DNER: variants seen among roughly 807,000 people sequenced by gnomAD.
The protein encoded by DNER is delta/notch like EGF repeat containing.
A neutral mutation model predicts 78.2 loss-of-function variants in DNER; 33 were observed. The observed-to-expected ratio is 0.42, with a 90% CI of 0.32 to 0.56. DNER has a LOEUF of 0.56. Among genes scored for constraint, DNER ranks in the 20% least tolerant of loss-of-function variants. The pLI, the probability that DNER is intolerant of heterozygous loss-of-function variation, is 0.11. For missense variants in DNER, 918 were observed against 975.3 expected (o/e 0.94, Z 0.78); for synonymous variants, 417 against 384.8 (o/e 1.08, Z -0.98).
At chr2:229,371,929 AC>A (rs970368978) in intron 11 of DNER, among the ~76,000 whole-genome samples, 1 of 152,220 alleles carries the variant, frequency 6.6e-6, no homozygotes, top group African/African-American at 2.4e-5. Flanking sequence ...GTTGCCTAGA[AC>A]AATTGTGAGG....
intron 7 of DNER, among the ~76,000 whole-genome samples, chr2:229,453,703 C>G (rs900040280): frequency 4.6e-5 from 7 of 152,076 alleles, no homozygotes; most frequent in African/African-American, 1.7e-4. Context: ...CCCTTTCTGC[C>G]TCCTCCATAA....
chr2:229,686,750 A>C (rs958565848), intron 1 of DNER, among the ~76,000 whole-genome samples: 2 of 152,234 alleles, frequency 1.3e-5, no homozygotes, highest in Non-Finnish European at 2.9e-5. Context: ...CCAACAGTCC[A>C]GACACGAACC....
At chr2:229,660,658 G>A (rs1698993739) in intron 1 of DNER, among the ~76,000 whole-genome samples, 1 of 152,124 alleles carries the variant, frequency 6.6e-6, no homozygotes, top group East Asian at 1.9e-4. Flanking sequence ...ACCCTAATTT[G>A]CAATGCAACT....
chr2:229,586,546 AAAAACACACAAAAC>A, intron 3 of DNER: 17 of 115,100 alleles, frequency 1.5e-4, no homozygotes, highest in Non-Finnish European at 2.1e-4. Context: ...AAAAAAAAAA[AAAAACACACAAAAC>A]CACCCCACAG....
At chr2:229,606,165 A>G (rs2154215025) in intron 1 of DNER, 1 of 152,380 alleles carries the variant, frequency 6.6e-6, no homozygotes, top group East Asian at 1.9e-4. Flanking sequence ...ATGACACTGC[A>G]TTGACCACAC....
chr2:229,545,516 G>A (rs1696611530), intron 5 of DNER, among the ~76,000 whole-genome samples: 1 of 152,244 alleles, frequency 6.6e-6, no homozygotes, highest in Non-Finnish European at 1.5e-5. Context: ...TGAGGTTGCA[G>A]TGAGCCGAGA....
At chr2:229,502,478 T>A (rs576641670) in intron 6 of DNER, among the ~76,000 whole-genome samples, 1 of 152,126 alleles carries the variant, frequency 6.6e-6, no homozygotes, top group Non-Finnish European at 1.5e-5. Flanking sequence ...GGGCAGATTC[T>A]CTGTGGGGAA....
chr2:229,379,585 C>T (rs1692689022), intron 11 of DNER, among the ~76,000 whole-genome samples: 1 of 152,076 alleles, frequency 6.6e-6, no homozygotes, highest in African/African-American at 2.4e-5. Context: ...CATCTATACT[C>T]TCCTATATAT....
At chr2:229,506,857 A>G in intron 6 of DNER, among the ~76,000 whole-genome samples, 1 of 152,174 alleles carries the variant, frequency 6.6e-6, no homozygotes, top group South Asian at 2.1e-4. Flanking sequence ...ATGTCAACTG[A>G]AAGTCAAAGT....
intron 6 of DNER, among the ~76,000 whole-genome samples, chr2:229,510,026 G>GCAAAAA (rs1695832210): frequency 1.3e-5 from 2 of 152,102 alleles, no homozygotes; most frequent in Non-Finnish European, 2.9e-5. Context: ...ACAGAGATCT[G>GCAAAAA]GGAGTAGTTA....
intron 8 of DNER, among the ~76,000 whole-genome samples, chr2:229,425,698 T>C: frequency 6.6e-6 from 1 of 152,134 alleles, no homozygotes; most frequent in East Asian, 1.9e-4. Context: ...CTCATCACAC[T>C]CAAAAATATC....
At chr2:229,539,447 C>T (rs1256010215) in intron 5 of DNER, among the ~76,000 whole-genome samples, 1 of 152,170 alleles carries the variant, frequency 6.6e-6, no homozygotes, top group Non-Finnish European at 1.5e-5. Context: ...TAAAATATTC[C>T]CAAAGGGTTA....
rs1175759031 is a variant in DNER at position 229,453,901 on chromosome 2, G to C, written c.1262-6361C>G. ...AAGAAAGAAAGAAGTTGCAGGGTTT[G>C]GTCAGGAATAAAATATATTAAAAAA... On this transcript the variant is annotated intron_variant, in intron 7 of 12. Coordinates refer to ENST00000341772, the MANE Select transcript of DNER (RefSeq NM_139072.4). Among the ~76,000 whole-genome samples, 21 of 138,496 alleles carry C rather than the reference G, an allele frequency of 1.5e-4. No homozygotes were observed. In the East Asian group the frequency reaches 4.1e-3, roughly 27 times the overall value. 90.9% of individuals were successfully genotyped at this position (138,496 alleles called of 152,430 possible).
intron 1 of DNER, among the ~76,000 whole-genome samples, chr2:229,706,313 G>A (rs1453893287): frequency 6.6e-6 from 1 of 151,892 alleles, no homozygotes; most frequent in Non-Finnish European, 1.5e-5. Flanking sequence ...CACACTGGGA[G>A]GCTGAGATGG....
intron 8 of DNER, among the ~76,000 whole-genome samples, chr2:229,424,244 A>T (rs1693826079): frequency 6.6e-6 from 1 of 152,178 alleles, no homozygotes; most frequent in Non-Finnish European, 1.5e-5. Flanking sequence ...AGATGTGTTA[A>T]CTTGTTTAAT....
chr2:229,500,229 G>A (rs142332259), intron 6 of DNER, among the ~76,000 whole-genome samples: 3 of 152,188 alleles, frequency 2.0e-5, no homozygotes, highest in African/African-American at 4.8e-5. Context: ...CACCGTGCCC[G>A]GCCCTGAATA....
intron 1 of DNER, among the ~76,000 whole-genome samples, chr2:229,620,056 G>A (rs1698227932): frequency 6.6e-6 from 1 of 151,842 alleles, no homozygotes; most frequent in African/African-American, 2.4e-5. Context: ...TCGCACTTGA[G>A]AAAGCAGATT....
At chr2:229,361,541 C>A (rs1692210830) in intron 12 of DNER, among the ~76,000 whole-genome samples, 1 of 152,080 alleles carries the variant, frequency 6.6e-6, no homozygotes, top group South Asian at 2.1e-4. Context: ...GTAGTCAGGA[C>A]AATATGGCCT....
In DNER at chr2:229,702,304, G is replaced by A. The variant is rs537347022; in HGVS notation, c.276+11844C>T. ...AATCCCAGCACTTTGGGAGGTCAAG[G>A]CGGGAGGATCACTTGAGCCCAGGAG... On this transcript the variant is annotated intron_variant, in intron 1 of 12. Coordinates refer to ENST00000341772, the MANE Select transcript of DNER (RefSeq NM_139072.4). Among the ~76,000 whole-genome samples the A allele has an allele frequency of 1.8e-3, 281 of 152,268 alleles. 1 individual carries two copies. The highest frequency in any genetic ancestry group is 0.011 in the South Asian group (54 of 4,826).
Sources: allele counts gnomAD v4.1 joint callset (sites outside exome capture counted in the v4.1 genomes callset), GRCh38; gene constraint gnomAD v4.1.1; transcripts MANE v1.5; gene names NCBI Gene and HGNC (gene_info 2026-07-23, HGNC 2026-07-21).